RAB12: variants seen among roughly 807,000 people sequenced by gnomAD.
RAB12 encodes the protein RAB12, member RAS oncogene family.
Under a neutral mutation model 28.4 loss-of-function variants are expected in RAB12, and 11 were observed. The ratio of observed to expected loss-of-function variants is 0.39; its 90% CI spans 0.24 to 0.64. The LOEUF is 0.64. Ranked by LOEUF, RAB12 falls within the 30% of genes least tolerant of loss-of-function variation. RAB12 has a pLI of 0.50. For synonymous variants in RAB12, 138 were observed against 145.3 expected (o/e 0.95, Z 0.36); for missense variants, 276 against 351.1 (o/e 0.79, Z 1.71).
At position 8,632,890 on chromosome 18, in the gene RAB12, T is replaced by C. The variant is rs150929089; in HGVS notation, c.576-299T>C. 11 of 331,138 alleles carry C rather than the reference T, an allele frequency of 3.3e-5. No homozygotes were observed. The East Asian group carries it at 8.1e-4, about 24-fold the overall frequency. 20.5% of individuals were successfully genotyped at this position (331,138 alleles called of 1,614,324 possible). ...GATGTTATATTAGCATTCCTGTTGC[T>C]GATTTTCTGTCTTGAGGGAAAAAGT... On this transcript the variant is annotated intron_variant, in intron 2 of 5. Coordinates refer to ENST00000649141, the MANE Select transcript of RAB12 (RefSeq NM_001025300.3).
chr18:8,611,421 CTG>C (rs1389077378), intron 1 of RAB12, among the ~76,000 whole-genome samples: 1 of 152,018 alleles, frequency 6.6e-6, no homozygotes, highest in East Asian at 1.9e-4. Context: ...AGGTGGGTAA[CTG>C]AGGGCTTGAG....
chr18:8,610,820 A>G (rs953478575), intron 1 of RAB12, among the ~76,000 whole-genome samples: 1 of 152,234 alleles, frequency 6.6e-6, no homozygotes, highest in Non-Finnish European at 1.5e-5. Context: ...CTTCCGTGAT[A>G]GGAAGTGAGA....
chr18:8,632,376 C>T lies in RAB12; in HGVS notation c.576-813C>T, dbSNP rs73392515. ...AAGCTACTGTGGCTGACAGTAGTGG[C>T]TGTGCACGGATGTCAGTGCAGACTT... On this transcript the variant is annotated intron_variant, in intron 2 of 5. Transcript: ENST00000649141. Among the ~76,000 whole-genome samples, 826 of 151,800 alleles carry T rather than the reference C, an allele frequency of 5.4e-3. 7 individuals are homozygous for T. Among genetic ancestry groups the T allele is most frequent in the African/African-American group, 0.019 (795 of 41,362 alleles).
chr18:8,633,369 G>A (rs1423753269), intron 3 of RAB12, 42 bp downstream of exon 3: 3 of 1,605,630 alleles, frequency 1.9e-6, no homozygotes, highest in Admixed American at 1.7e-5. Flanking sequence ...CTCTCTGCTT[G>A]TGAGTCTTAA....
At chr18:8,623,971 A>T (rs1475107912) in intron 1 of RAB12, among the ~76,000 whole-genome samples, 3 of 152,248 alleles carry the variant, frequency 2.0e-5, no homozygotes, top group Non-Finnish European at 4.4e-5. Flanking sequence ...GCCTCATCTG[A>T]CTGCAGCACC....
rs71165795 is a variant in RAB12 at position 8,620,139 on chromosome 18, C to CTTTTTTTTTTTT, written c.515-4789_515-4778dup. ...AAAGCCTTCTTTTTTTTTTCTTCTT[C>CTTTTTTTTTTTT]TTTTTTTTTTTTTTTTTTTTTGCTT... On this transcript the variant is annotated intron_variant, in intron 1 of 5. Coordinates refer to ENST00000649141, the MANE Select transcript of RAB12 (RefSeq NM_001025300.3). 3.5e-3 allele frequency among the ~76,000 whole-genome samples: 189 copies of CTTTTTTTTTTTT among 53,918 alleles called. 4 individuals carry two copies. Among genetic ancestry groups the CTTTTTTTTTTTT allele is most frequent in the Non-Finnish European group, 4.1e-3 (133 of 32,356 alleles). The allele number at this position is 53,918 out of a possible 152,430, so 35.4% of individuals were successfully genotyped here.
intron 1 of RAB12, among the ~76,000 whole-genome samples, chr18:8,618,738 T>C (rs943442433): frequency 6.6e-6 from 1 of 152,172 alleles, no homozygotes; most frequent in Non-Finnish European, 1.5e-5. Flanking sequence ...GGTCTTGATC[T>C]CCTGATCTCG....
chr18:8,638,061 T>G, intron 5 of RAB12, 88 bp from the exon 6 acceptor site: 2 of 763,698 alleles, frequency 2.6e-6, no homozygotes, highest in South Asian at 3.1e-5. Context: ...TAAGTGGACC[T>G]GTGCAGTTGA....
In RAB12 at chr18:8,613,006, A is replaced by T. The variant is rs2096004690; in HGVS notation, c.514+3053A>T. 2.0e-5 allele frequency among the ~76,000 whole-genome samples: 3 copies of T among 152,244 alleles called. No homozygotes were observed. The South Asian group carries it at 6.2e-4, about 31-fold the overall frequency. On this transcript the variant is annotated intron_variant, in intron 1 of 5. Coordinates refer to ENST00000649141, the MANE Select transcript of RAB12 (RefSeq NM_001025300.3). ...GATTCACTTGAACTTTCTATAAAAGATCCGTAGTGGAAGTCCTTAGGGATT... is the reference window on the plus strand; with the variant it reads ...GATTCACTTGAACTTTCTATAAAAGTTCCGTAGTGGAAGTCCTTAGGGATT...
chr18:8,635,425 G>C, intron 3 of RAB12, 108 bp from the exon 4 acceptor site: 1 of 818,646 alleles, frequency 1.2e-6, no homozygotes, highest in East Asian at 2.8e-5. Context: ...CAGTGGAAGT[G>C]AATGGACAAA....
chr18:8,611,225 A>T (rs2096003609), intron 1 of RAB12, among the ~76,000 whole-genome samples: 1 of 152,380 alleles, frequency 6.6e-6, no homozygotes, highest in African/African-American at 2.4e-5. Flanking sequence ...GTCTTGGATC[A>T]TGCAGAGTAC....
chr18:8,621,922 G>A (rs1022129760), intron 1 of RAB12, among the ~76,000 whole-genome samples: 3 of 152,136 alleles, frequency 2.0e-5, no homozygotes, highest in Admixed American at 2.0e-4. Context: ...ATTACATAGT[G>A]ATAATGTTAC....
intron 2 of RAB12, 117 bp downstream of exon 2, chr18:8,625,115 T>C (rs2096011955): frequency 1.5e-6 from 1 of 646,560 alleles, no homozygotes; most frequent in Non-Finnish European, 2.7e-6. Context: ...CCTCTTTTGC[T>C]CATTTTAAAA....
At position 8,632,754 on chromosome 18, in the gene RAB12, A is replaced by C. The variant is rs578200397; in HGVS notation, c.576-435A>C. 4.9e-4 allele frequency: 106 copies of C among 214,708 alleles called. 2 individuals are homozygous for C. The Middle Eastern group carries it at 5.2e-3, about 11-fold the overall frequency. 13.3% of individuals were successfully genotyped at this position (214,708 alleles called of 1,614,324 possible). On this transcript the variant is annotated intron_variant, in intron 2 of 5. Coordinates refer to ENST00000649141, the MANE Select transcript of RAB12 (RefSeq NM_001025300.3). Reference sequence around the variant, plus strand: ...GGCATTGTTGCTCTTGGGTATGACAAATGGTTTTGTAAATCACCTACAATG... The same window carrying C: ...GGCATTGTTGCTCTTGGGTATGACACATGGTTTTGTAAATCACCTACAATG...
At chr18:8,621,088 C>T (rs1028615920) in intron 1 of RAB12, among the ~76,000 whole-genome samples, 7 of 152,146 alleles carry the variant, frequency 4.6e-5, no homozygotes, top group African/African-American at 9.7e-5. Flanking sequence ...TGTAGGAAAC[C>T]GGTTTTCAAC....
intron 5 of RAB12, 119 bp downstream of exon 5, chr18:8,636,476 C>T: frequency 1.5e-6 from 1 of 645,546 alleles, no homozygotes. Context: ...TGCTCAGGCG[C>T]AAGAACCAGG....
At chr18:8,610,991 A>G (rs1289170772) in intron 1 of RAB12, among the ~76,000 whole-genome samples, 1 of 152,256 alleles carries the variant, frequency 6.6e-6, no homozygotes. Context: ...ATTGTCATGT[A>G]ACAAAACAGT....
At position 8,638,243 on chromosome 18, in the gene RAB12, C is replaced by T. The variant is rs1272589016; in HGVS notation, c.1004C>T (p.Pro335Leu). ...CCGCCAGAACTGCCTCCACCAAGAC[C>T]ACATGTCCGATGCTGTTGATTTCCT... ...EIPPELPPPR[P>L]HVRCC Residue 335 changes from proline to leucine, a missense_variant, in exon 6 of 6, where the codon CCA becomes CTA. Around this residue, in one of 4 missense-constraint regions of RAB12, gnomAD observed 127 missense variants for 161.4 expected, o/e 0.79. Transcript: ENST00000649141. 2 of 1,612,960 alleles carry T rather than the reference C, an allele frequency of 1.2e-6. No homozygotes were observed. The highest frequency in any genetic ancestry group is 2.2e-5 in the East Asian group (1 of 44,870).
rs2096021092 is a variant in RAB12 at position 8,639,270 on chromosome 18, TTAAG to T, written c.*1012_*1015del. On this transcript the variant is annotated 3_prime_UTR_variant, in exon 6 of 6. Transcript: ENST00000649141. ...GCACTGTTTTGTTTAGTCAAGGTAA[TTAAG>T]TAATTATGTATTTGAATAACTTGGT... 4 of 150,752 alleles carry T rather than the reference TTAAG, an allele frequency of 2.7e-5. No individual in the cohort carries two copies. The South Asian group carries it at 8.5e-4, about 32-fold the overall frequency. The allele number at this position is 150,752 out of a possible 1,614,324, so 9.3% of individuals were successfully genotyped here.
Sources: allele counts gnomAD v4.1 joint callset (sites outside exome capture counted in the v4.1 genomes callset), GRCh38; gene constraint gnomAD v4.1.1; regional missense constraint gnomAD v4.1.1; transcripts MANE v1.5; gene names NCBI Gene and HGNC (gene_info 2026-07-23, HGNC 2026-07-21).